The following ESRRG variants were observed in gnomAD, a reference collection of about 807,000 sequenced individuals.
ESRRG encodes estrogen related receptor gamma, also known as estrogen-related receptor gamma.
ESRRG carries 13 observed loss-of-function variants against 44.0 expected under a neutral mutation model. The ratio of observed to expected loss-of-function variants is 0.30; its 90% CI spans 0.19 to 0.47. The LOEUF (loss-of-function observed/expected upper bound fraction) is 0.47, where lower values mean the gene tolerates loss of function less well. Among genes scored for constraint, ESRRG ranks in the 20% least tolerant of loss-of-function variants. The pLI is 1.00. For missense variants in ESRRG, 395 were observed against 580.6 expected, an observed-to-expected ratio of 0.68 and a Z score of 3.29; for synonymous variants, 215 against 214.6, an observed-to-expected ratio of 1.00 and a Z score of -0.02.
rs77916942 is a variant in ESRRG at position 216,696,230 on chromosome 1, T to A, written c.57-18739A>T. 9.6e-3 allele frequency among the ~76,000 whole-genome samples: 1,466 copies of A among 152,298 alleles called. 20 individuals are homozygous for A. The highest frequency in any genetic ancestry group is 0.033 in the African/African-American group (1,389 of 41,572). On this transcript the variant is annotated intron_variant, in intron 1 of 6. Transcript: ENST00000408911. The stretch of plus-strand genomic sequence containing the variant: ...ACAGATGAGGAAAGAAAGCTGTAGT[T>A]GAACCAGAAACAAACTTAAATTTTC...
chr1:216,983,381 G>A (rs527405747), intron 1 of ESRRG, among the ~76,000 whole-genome samples: 70 of 151,634 alleles, frequency 4.6e-4, no homozygotes, highest in Non-Finnish European at 4.6e-4. Context: ...ATAGGCATGC[G>A]CCACCACACC....
At chr1:217,122,636 C>T (rs552611134) in intron 1 of ESRRG, among the ~76,000 whole-genome samples, 1 of 150,922 alleles carries the variant, frequency 6.6e-6, no homozygotes, top group Admixed American at 6.6e-5. Flanking sequence ...CTTTCCTTCC[C>T]TAGTCCATGG....
At chr1:216,745,075 G>A (rs2091233164) in intron 2 of ESRRG, among the ~76,000 whole-genome samples, 3 of 152,246 alleles carry the variant, frequency 2.0e-5, no homozygotes, top group Middle Eastern at 6.8e-3. Flanking sequence ...GGTTAGAGGT[G>A]TGCCTATTAA....
chr1:216,669,613 C>A (rs368699369), intron 2 of ESRRG, among the ~76,000 whole-genome samples: 1 of 152,188 alleles, frequency 6.6e-6, no homozygotes, highest in African/African-American at 2.4e-5. Context: ...AGGCTGGGCG[C>A]GGTGGCTCAT....
intron 2 of ESRRG, among the ~76,000 whole-genome samples, chr1:216,659,722 T>C (rs773317517): frequency 1.3e-5 from 2 of 152,192 alleles, no homozygotes; most frequent in Non-Finnish European, 2.9e-5. Flanking sequence ...CTCCCAAGAC[T>C]GAGTTAGGGG....
chr1:217,014,558 A>T (rs1036787439), intron 1 of ESRRG, among the ~76,000 whole-genome samples: 1 of 152,132 alleles, frequency 6.6e-6, no homozygotes, highest in South Asian at 2.1e-4. Flanking sequence ...TCCTCTATAA[A>T]ATCATACAGG....
chr1:216,642,470 G>A (rs1232792530), intron 3 of ESRRG, among the ~76,000 whole-genome samples: 1 of 151,962 alleles, frequency 6.6e-6, no homozygotes, highest in African/African-American at 2.4e-5. Context: ...GGTACCTTAA[G>A]TACATTCCCA....
chr1:216,706,349 A>C (rs1405902196), intron 1 of ESRRG, among the ~76,000 whole-genome samples: 1 of 152,194 alleles, frequency 6.6e-6, no homozygotes, highest in Non-Finnish European at 1.5e-5. Flanking sequence ...GACTCAGCTC[A>C]TGTCTGCAGT....
intron 1 of ESRRG, among the ~76,000 whole-genome samples, chr1:217,130,331 C>T (rs556122810): frequency 6.6e-6 from 1 of 152,200 alleles, no homozygotes; most frequent in Non-Finnish European, 1.5e-5. Context: ...CTCTGGAGCT[C>T]AAGCTATCTT....
At chr1:216,559,150 G>A (rs1233555295) in intron 5 of ESRRG, among the ~76,000 whole-genome samples, 2 of 152,042 alleles carry the variant, frequency 1.3e-5, no homozygotes, top group Non-Finnish European at 2.9e-5. Context: ...AATTACTGGC[G>A]TGATCCACCG....
intron 2 of ESRRG, among the ~76,000 whole-genome samples, chr1:216,775,132 G>T (rs2093553728): frequency 6.6e-6 from 1 of 151,806 alleles, no homozygotes; most frequent in South Asian, 2.1e-4. Flanking sequence ...TTTAATTGTT[G>T]AATATGATAT....
intron 1 of ESRRG, among the ~76,000 whole-genome samples, chr1:216,694,654 G>A (rs547031663): frequency 6.6e-6 from 1 of 151,930 alleles, no homozygotes; most frequent in South Asian, 2.1e-4. Flanking sequence ...GACCTTCTGG[G>A]CTCAAGTGAT....
rs79029334 is a variant in ESRRG, at chr1:217,055,989, C to G, written c.-106+33518G>C. The stretch of plus-strand genomic sequence containing the variant: ...TCTCCTTGGGTACACAGCTACACTG[C>G]CCTTCCCAGCTTCCCTTGCTGTCAG... On this transcript the variant is annotated intron_variant, in intron 1 of 7. Coordinates refer to the ESRRG transcript ENST00000359162. 1.5e-4 allele frequency among the ~76,000 whole-genome samples: 23 copies of G among 152,280 alleles called. No homozygotes were observed. The South Asian group carries it at 4.8e-3, about 32-fold the overall frequency.
At chr1:216,627,381 T>C (rs1394673991) in intron 3 of ESRRG, among the ~76,000 whole-genome samples, 1 of 152,188 alleles carries the variant, frequency 6.6e-6, no homozygotes, top group African/African-American at 2.4e-5. Flanking sequence ...GGTCACATTG[T>C]ATCTGGTTTT....
chr1:217,062,440 G>A lies in ESRRG; in HGVS notation c.-106+27067C>T, dbSNP rs11572399. Among the ~76,000 whole-genome samples, 391 of 152,162 alleles carry A rather than the reference G, an allele frequency of 2.6e-3. 3 individuals are homozygous for A. Among genetic ancestry groups the A allele is most frequent in the African/African-American group, 8.7e-3 (361 of 41,514 alleles). On this transcript the variant is annotated intron_variant, in intron 1 of 7. Transcript: ENST00000359162. ...AGAACAGGGCACTGTATTCAATTTCGGTGCAGTGAGGGGTTTGAGTAATCC... is the reference window on the plus strand; with the variant it reads ...AGAACAGGGCACTGTATTCAATTTCAGTGCAGTGAGGGGTTTGAGTAATCC...
At chr1:216,567,955 T>C in intron 4 of ESRRG, 33 bp downstream of exon 4, 1 of 1,431,012 alleles carries the variant, frequency 7.0e-7, no homozygotes, top group Non-Finnish European at 9.9e-7. Context: ...GGATTTCGTG[T>C]TCTGGGAAGC....
In ESRRG at chr1:216,634,823, C is replaced by T. The variant is rs189999449; in HGVS notation, c.589+16150G>A. On this transcript the variant is annotated intron_variant, in intron 3 of 6. Coordinates refer to ENST00000408911, the MANE Select transcript of ESRRG (RefSeq NM_001438.4). ...GAGAAAGATTCAAACATCATTCTGGCCTGATCAGTATTCTGGCAGTTTACC... is the reference window on the plus strand; with the variant it reads ...GAGAAAGATTCAAACATCATTCTGGTCTGATCAGTATTCTGGCAGTTTACC... 1.1e-3 allele frequency among the ~76,000 whole-genome samples: 162 copies of T among 152,248 alleles called. 1 individual carries two copies. The highest frequency in any genetic ancestry group is 3.6e-3 in the African/African-American group (151 of 41,536).
intron 2 of ESRRG, among the ~76,000 whole-genome samples, chr1:216,767,671 T>C (rs1233372745): frequency 1.3e-5 from 2 of 152,186 alleles, no homozygotes; most frequent in African/African-American, 4.8e-5. Flanking sequence ...GCTATGTGAA[T>C]GTACAAATGG....
At chr1:216,571,432 A>C (rs906066579) in intron 3 of ESRRG, among the ~76,000 whole-genome samples, 1 of 152,164 alleles carries the variant, frequency 6.6e-6, no homozygotes, top group Non-Finnish European at 1.5e-5. Context: ...AACAAGAGTG[A>C]AACGCCATCT....
Sources: allele counts gnomAD v4.1 joint callset (sites outside exome capture counted in the v4.1 genomes callset), GRCh38; gene constraint gnomAD v4.1.1; transcripts MANE v1.5; gene names NCBI Gene and HGNC (gene_info 2026-07-23, HGNC 2026-07-21).